Variants in ASTN2 observed in about 807,000 individuals in gnomAD.
The protein encoded by ASTN2 is astrotactin-2.
In ASTN2, 54 loss-of-function variants were observed where a neutral mutation model predicts 139.8. The ratio of observed to expected loss-of-function variants is 0.39; its 90% CI spans 0.31 to 0.48. ASTN2 has a LOEUF of 0.48. Among genes scored for constraint, ASTN2 ranks in the 20% least tolerant of loss-of-function variants. The pLI, the probability that ASTN2 is intolerant of heterozygous loss-of-function variation, is 0.95. For missense variants in ASTN2, 1,565 were observed against 1,725.1 expected, an observed-to-expected ratio of 0.91 and a Z score of 1.64; for synonymous variants, 756 against 719.5, an observed-to-expected ratio of 1.05 and a Z score of -0.81.
intron 16 of ASTN2, among the ~76,000 whole-genome samples, chr9:116,676,485 G>C (rs1367109480): frequency 3.3e-5 from 5 of 152,154 alleles, no homozygotes; most frequent in African/African-American, 1.2e-4. Flanking sequence ...TTTGCTACAG[G>C]TCCCTGAAAC....
intron 1 of ASTN2, among the ~76,000 whole-genome samples, chr9:117,308,042 C>T (rs1227164174): frequency 1.3e-5 from 2 of 152,094 alleles, no homozygotes; most frequent in African/African-American, 4.8e-5. Context: ...GCTATTTTAT[C>T]CCCTCAGCCT....
chr9:116,925,111 C>G (rs1056215967), intron 10 of ASTN2, among the ~76,000 whole-genome samples: 1 of 151,956 alleles, frequency 6.6e-6, no homozygotes, highest in African/African-American at 2.4e-5. Flanking sequence ...TCTCATATAC[C>G]CATATTTGCT....
chr9:117,106,264 T>C (rs1829099955), intron 4 of ASTN2, among the ~76,000 whole-genome samples: 1 of 152,074 alleles, frequency 6.6e-6, no homozygotes, highest in South Asian at 2.1e-4. Context: ...TCTCATTCTG[T>C]AACCCAGGCT....
intron 11 of ASTN2, among the ~76,000 whole-genome samples, chr9:116,860,481 C>T (rs1366882230): frequency 6.6e-6 from 1 of 152,120 alleles, no homozygotes; most frequent in Non-Finnish European, 1.5e-5. Context: ...AGTACTGTTG[C>T]TTCCTTTTGA....
At chr9:116,465,660 C>G (rs1000915567) in intron 20 of ASTN2, among the ~76,000 whole-genome samples, 2 of 152,164 alleles carry the variant, frequency 1.3e-5, no homozygotes, top group Non-Finnish European at 2.9e-5. Flanking sequence ...CTGGAAGCAG[C>G]TGCAGTTTCC....
chr9:116,916,305 G>A (rs970863654), intron 10 of ASTN2, among the ~76,000 whole-genome samples: 2 of 152,198 alleles, frequency 1.3e-5, no homozygotes, highest in African/African-American at 2.4e-5. Context: ...AAGGCTGGGA[G>A]AGAGAGTGAA....
chr9:116,983,028 C>T (rs1836556236), intron 7 of ASTN2, among the ~76,000 whole-genome samples: 1 of 152,218 alleles, frequency 6.6e-6, no homozygotes, highest in African/African-American at 2.4e-5. Flanking sequence ...CTCCCCTCCC[C>T]AAACCCTGTC....
intron 1 of ASTN2, among the ~76,000 whole-genome samples, chr9:117,388,998 T>A (rs571085978): frequency 1.5e-4 from 23 of 152,292 alleles, no homozygotes; most frequent in African/African-American, 5.1e-4. Flanking sequence ...AGAAACAAGA[T>A]GAATGTTTAA....
chr9:116,434,710 T>A (rs1472122691), intron 22 of ASTN2, among the ~76,000 whole-genome samples: 1 of 152,134 alleles, frequency 6.6e-6, no homozygotes, highest in Admixed American at 6.5e-5. Context: ...AAAATTCTGG[T>A]CCCTGGCCAC....
At position 117,083,968 on chromosome 9, in the gene ASTN2, C is replaced by T. The variant is rs57032359; in HGVS notation, c.1276+12076G>A. ...GGCTTTCTTTCTGCATTCAAGGAAC[C>T]CTCATTTGCCAAGACTGCTTGACGT... On this transcript the variant is annotated intron_variant, in intron 5 of 22. Transcript: ENST00000313400. Among the ~76,000 whole-genome samples the T allele has an allele frequency of 3.8e-3, 579 of 151,260 alleles. 4 individuals are homozygous for T. The highest frequency in any genetic ancestry group is 0.013 in the African/African-American group (548 of 41,136).
At chr9:116,660,640 A>C (rs1247554466) in intron 16 of ASTN2, among the ~76,000 whole-genome samples, 1 of 152,162 alleles carries the variant, frequency 6.6e-6, no homozygotes, top group Non-Finnish European at 1.5e-5. Flanking sequence ...TACATGTCTG[A>C]ATCTGTAAAT....
chr9:116,766,244 C>T (rs1236255282), intron 13 of ASTN2, among the ~76,000 whole-genome samples: 2 of 152,060 alleles, frequency 1.3e-5, no homozygotes, highest in African/African-American at 4.8e-5. Context: ...TATACACGCA[C>T]AAATACACAC....
intron 19 of ASTN2, among the ~76,000 whole-genome samples, chr9:116,603,885 C>A (rs1265773107): frequency 6.6e-6 from 1 of 152,114 alleles, no homozygotes; most frequent in African/African-American, 2.4e-5. Context: ...GGAGTGATCT[C>A]CAGGCGAGGG....
intron 11 of ASTN2, among the ~76,000 whole-genome samples, chr9:116,862,314 T>C (rs1250366556): frequency 6.6e-6 from 1 of 152,080 alleles, no homozygotes; most frequent in Non-Finnish European, 1.5e-5. Context: ...TTTACTGAGA[T>C]GGGTACTTCT....
chr9:117,078,731 T>A (rs1423375820), intron 5 of ASTN2, among the ~76,000 whole-genome samples: 3 of 152,022 alleles, frequency 2.0e-5, no homozygotes, highest in Admixed American at 1.3e-4. Flanking sequence ...GAGCTTTTTA[T>A]TTTATTTTTA....
intron 3 of ASTN2, 37 bp from the exon 4 acceptor site, chr9:117,141,515 G>C: frequency 7.4e-7 from 1 of 1,355,550 alleles, no homozygotes. Flanking sequence ...TAGGGCTTGA[G>C]CCCACCCTCA....
chr9:117,167,303 A>G (rs1189271710), intron 3 of ASTN2, among the ~76,000 whole-genome samples: 4 of 152,094 alleles, frequency 2.6e-5, no homozygotes, highest in African/African-American at 7.2e-5. Flanking sequence ...TAATTGCTAA[A>G]TTTTTGTGAC....
intron 16 of ASTN2, among the ~76,000 whole-genome samples, chr9:116,695,726 C>T (rs1311226850): frequency 1.3e-5 from 2 of 152,106 alleles, no homozygotes; most frequent in Non-Finnish European, 2.9e-5. Flanking sequence ...CCTATTCATT[C>T]TGATTTGGGG....
At chr9:117,233,001 C>T (rs1039895423) in intron 2 of ASTN2, among the ~76,000 whole-genome samples, 1 of 152,030 alleles carries the variant, frequency 6.6e-6, no homozygotes, top group Non-Finnish European at 1.5e-5. Context: ...TTATCTACTT[C>T]CTTCCCTGGC....
Sources: allele counts gnomAD v4.1 joint callset (sites outside exome capture counted in the v4.1 genomes callset), GRCh38; gene constraint gnomAD v4.1.1; transcripts MANE v1.5; gene names NCBI Gene and HGNC (gene_info 2026-07-23, HGNC 2026-07-21).